Variants in CYP27C1 observed in about 807,000 individuals in gnomAD.
CYP27C1 encodes cytochrome P450 27C1.
A neutral mutation model predicts 40.6 loss-of-function variants in CYP27C1; 29 were observed. The ratio of observed to expected loss-of-function variants is 0.71; its 90% CI spans 0.53 to 0.97. The LOEUF (loss-of-function observed/expected upper bound fraction) is 0.97, where lower values mean the gene tolerates loss of function less well. Among genes scored for constraint, CYP27C1 ranks in the 50% least tolerant of loss-of-function variants. CYP27C1 has a pLI of 0.00. For missense variants in CYP27C1, 390 were observed against 485.8 expected (o/e 0.80, Z 1.85); for synonymous variants, 198 against 186.8 (o/e 1.06, Z -0.49).
chr2:127,187,309 CT>C lies in CYP27C1; in HGVS notation c.1575del (p.Ile529SerfsTer14). The C allele has an allele frequency of 6.2e-7, 1 of 1,614,216 alleles. No individual in the cohort carries two copies. Among genetic ancestry groups the C allele is most frequent in the Non-Finnish European group, 8.5e-7 (1 of 1,180,038 alleles). On this transcript the variant is annotated frameshift_variant, in exon 9 of 9. Transcript: ENST00000664447. LOFTEE classifies it high-confidence loss of function. ...ACAAATCGCACGTGGATGGGCCCCC[CT>C]GGCGTCAGGAGCCCGTGGGTTTTTG... ...VHAKTHGLLT[P>X]GGPIHVRFVN...
At chr2:127,193,650 T>C (rs1682834597) in intron 7 of CYP27C1, 139 bp downstream of exon 7, 1 of 923,448 alleles carries the variant, frequency 1.1e-6, no homozygotes, top group Non-Finnish European at 1.7e-6. Flanking sequence ...CAACACCCCA[T>C]CTTCATCTTA....
chr2:127,201,386 A>ATTGCCTGTTGGTAT lies in CYP27C1; in HGVS notation c.674-56_674-55insATACCAACAGGCAA. 6.5e-7 allele frequency: 1 copy of ATTGCCTGTTGGTAT among 1,550,318 alleles called. No individual in the cohort carries two copies. Among genetic ancestry groups the ATTGCCTGTTGGTAT allele is most frequent in the Non-Finnish European group, 8.8e-7 (1 of 1,135,310 alleles). The stretch of plus-strand genomic sequence containing the variant: ...CTTCTAGATTATTTACCATACCAAC[A>ATTGCCTGTTGGTAT]GGCAATGTTGGGCCATAAATGCAAC... On this transcript the variant is annotated intron_variant, in intron 3 of 8. Coordinates refer to ENST00000664447, the MANE Select transcript of CYP27C1 (RefSeq NM_001367502.1). The surrounding 1 kb of genome is among the most constrained non-coding windows in gnomAD (Gnocchi z 6.0).
chr2:127,205,096 T>C (rs1166972266), intron 2 of CYP27C1, among the ~76,000 whole-genome samples: 2 of 152,122 alleles, frequency 1.3e-5, no homozygotes, highest in Admixed American at 1.3e-4. Context: ...CCACACAGGC[T>C]CCTGAGCCTG....
At chr2:127,194,100 A>G (rs1348317104) in intron 6 of CYP27C1, among the ~76,000 whole-genome samples, 1 of 152,234 alleles carries the variant, frequency 6.6e-6, no homozygotes, top group African/African-American at 2.4e-5. Context: ...AACATTTGCA[A>G]AACACAAAGC....
intron 8 of CYP27C1, 57 bp from the exon 9 acceptor site, chr2:127,187,444 G>T: frequency 6.8e-7 from 1 of 1,462,024 alleles, no homozygotes; most frequent in Non-Finnish European, 9.6e-7. Context: ...AATTCTCAGT[G>T]CTCCCTGAAT....
intron 3 of CYP27C1, among the ~76,000 whole-genome samples, chr2:127,202,252 G>A (rs1274484327): frequency 6.6e-6 from 1 of 151,896 alleles, no homozygotes; most frequent in East Asian, 1.9e-4. Flanking sequence ...AGCCTCCCAA[G>A]TCTCTGGGAT....
At position 127,193,242 on chromosome 2, in the gene CYP27C1, C is replaced by A; in HGVS notation, c.1349G>T (p.Arg450Leu). 6.2e-7 allele frequency: 1 copy of A among 1,614,156 alleles called. No homozygotes were observed. The highest frequency in any genetic ancestry group is 8.5e-7 in the Non-Finnish European group (1 of 1,180,036). ...GCGCTCAGGCCGGAACTCCTTGGCC[C>A]GAGGGAAGTTCTCATCCTGGTACGA... ...ATSYQDENFPRAKEFRPERWL... is the reference protein window; with the variant it reads ...ATSYQDENFPLAKEFRPERWL... The change falls in exon 8 of 9, where the codon CGG (arginine) becomes CTG (leucine). Residue 450 changes from arginine to leucine, a missense_variant. Coordinates refer to ENST00000664447, the MANE Select transcript of CYP27C1 (RefSeq NM_001367502.1).
At chr2:127,204,487 AGGAAGGAAGGAAG>A (rs1222358936) in intron 2 of CYP27C1, among the ~76,000 whole-genome samples, 7 of 74,864 alleles carry the variant, frequency 9.4e-5, no homozygotes, top group East Asian at 5.3e-4. Context: ...AAAGAAAGAA[AGGAAGGAAGGAAG>A]GAAGGAAAGA....
intron 1 of CYP27C1, among the ~76,000 whole-genome samples, chr2:127,215,296 A>C (rs1233613367): frequency 6.6e-6 from 1 of 152,176 alleles, no homozygotes; most frequent in Non-Finnish European, 1.5e-5. Context: ...CTCTTAAACA[A>C]ATGGCACAGG....
intron 1 of CYP27C1, among the ~76,000 whole-genome samples, chr2:127,211,371 T>G (rs1161084701): frequency 1.7e-4 from 3 of 18,168 alleles, no homozygotes; most frequent in Admixed American, 2.2e-3. Flanking sequence ...GTTTTTTTGT[T>G]TTTTTTTTTT....
At chr2:127,217,288 C>A (rs1322023029) in intron 1 of CYP27C1, among the ~76,000 whole-genome samples, 1 of 152,180 alleles carries the variant, frequency 6.6e-6, no homozygotes, top group Non-Finnish European at 1.5e-5. Context: ...AGCTGAATAA[C>A]CTTTGGAAGT....
intron 8 of CYP27C1, among the ~76,000 whole-genome samples, chr2:127,190,760 G>A (rs62160254): frequency 0.96 from 144,440 of 150,502 alleles, 69,360 homozygotes; most frequent in African/African-American, 0.99. Context: ...ACCCTGGCCA[G>A]CATGGTGAAA....
chr2:127,217,047 A>G (rs900521088), intron 1 of CYP27C1, among the ~76,000 whole-genome samples: 12 of 152,254 alleles, frequency 7.9e-5, no homozygotes, highest in African/African-American at 2.9e-4. Flanking sequence ...GGCCCACTGA[A>G]GGAATGACTG....
At position 127,208,880 on chromosome 2, in the gene CYP27C1, G is replaced by T. The variant is rs1161258843; in HGVS notation, c.283-2790C>A. 6.6e-6 allele frequency among the ~76,000 whole-genome samples: 1 copy of T among 152,280 alleles called. No individual in the cohort carries two copies. Among genetic ancestry groups the T allele is most frequent in the South Asian group, 2.1e-4 (1 of 4,830 alleles). On this transcript the variant is annotated intron_variant, in intron 1 of 8. Coordinates refer to ENST00000664447, the MANE Select transcript of CYP27C1 (RefSeq NM_001367502.1). The surrounding 1 kb of genome is among the most constrained non-coding windows in gnomAD (Gnocchi z 5.2). ...CCTGGGCCTGAGCCCTTGGGGAAGGGGTGGCCACAGTCTCTGCGGACCAGC... is the reference window on the plus strand; with the variant it reads ...CCTGGGCCTGAGCCCTTGGGGAAGGTGTGGCCACAGTCTCTGCGGACCAGC...
chr2:127,201,184 C>T lies in CYP27C1; in HGVS notation c.821G>A (p.Arg274His), dbSNP rs1209248467. 2.5e-6 allele frequency: 4 copies of T among 1,613,942 alleles called. No homozygotes were observed. The highest frequency in any genetic ancestry group is 1.3e-5 in the African/African-American group (1 of 74,898). The change falls in exon 4 of 9, where the codon CGC becomes CAC. Residue 274 changes from arginine (R) to histidine (H), a missense_variant. Transcript: ENST00000664447. This position sits in a 1 kb window ranked among gnomAD's most constrained non-coding sequence, Gnocchi z 6.0. ...MYAGAIPRWLRPFIPKPWREF... is the reference protein window; with the variant it reads ...MYAGAIPRWLHPFIPKPWREF... ...CCGCCAGGGCTTTGGGATGAAGGGG[C>T]GAAGCCATCTGGGGATGGCGCCTGC...
At position 127,193,112 on chromosome 2, in the gene CYP27C1, A is replaced by G; in HGVS notation, c.1479T>C (p.Ile493=). 1 of 1,614,168 alleles carries G rather than the reference A, an allele frequency of 6.2e-7. No individual in the cohort carries two copies. Among genetic ancestry groups the G allele is most frequent in the Non-Finnish European group, 8.5e-7 (1 of 1,180,026 alleles). ...CIGRRIAELE[I]HLVVIQLLQH... is the part of the protein sequence containing the mutation. ...GCCCTACCTGGATCACGACGAGGTG[A>G]ATCTCCAGTTCTGCAATTCTCCGCC... The change falls in exon 8 of 9, where the codon ATT becomes ATC. Residue 493 remains isoleucine, a synonymous_variant. Transcript: ENST00000664447.
intron 5 of CYP27C1, among the ~76,000 whole-genome samples, chr2:127,198,451 G>C (rs992307354): frequency 6.6e-6 from 1 of 152,042 alleles, no homozygotes; most frequent in African/African-American, 2.4e-5. Context: ...TTACAAATCA[G>C]GAATGATTTG....
Position 127,196,472 on chromosome 2 carries a change from A to G in CYP27C1, c.1048-971T>C, listed in dbSNP as rs950955954. 6.6e-6 allele frequency among the ~76,000 whole-genome samples: 1 copy of G among 152,058 alleles called. No individual in the cohort carries two copies. The highest frequency in any genetic ancestry group is 2.1e-4 in the South Asian group (1 of 4,806). On this transcript the variant is annotated intron_variant, in intron 5 of 8. Coordinates refer to ENST00000664447, the MANE Select transcript of CYP27C1 (RefSeq NM_001367502.1). The surrounding 1 kb of genome is among the most constrained non-coding windows in gnomAD (Gnocchi z 4.5). ...TAAAATCAATAGTATCATCTATGGGACTACATTTCACTCTCTAGTAAACAA... is the reference window on the plus strand; with the variant it reads ...TAAAATCAATAGTATCATCTATGGGGCTACATTTCACTCTCTAGTAAACAA...
chr2:127,204,571 A>AAGAGAGAG, intron 2 of CYP27C1, among the ~76,000 whole-genome samples: 1 of 76,816 alleles, frequency 1.3e-5, no homozygotes, highest in African/African-American at 5.5e-5. Flanking sequence ...GAAAGAAAGA[A>AAGAGAGAG]AGAAAGAAAG....
Sources: allele counts gnomAD v4.1 joint callset (sites outside exome capture counted in the v4.1 genomes callset), GRCh38; gene constraint gnomAD v4.1.1; non-coding constraint Gnocchi (gnomAD v3.1); transcripts MANE v1.5; gene names NCBI Gene and HGNC (gene_info 2026-07-23, HGNC 2026-07-21).